GRAMD1B: variants seen among roughly 807,000 people sequenced by gnomAD.
GRAMD1B encodes protein Aster-B.
Under a neutral mutation model 99.7 loss-of-function variants are expected in GRAMD1B, and 37 were observed. The observed-to-expected ratio is 0.37, with a 90% CI of 0.29 to 0.49. The LOEUF is 0.49. Among genes scored for constraint, GRAMD1B ranks in the 20% least tolerant of loss-of-function variants. The pLI is 0.98. For missense variants in GRAMD1B, 888 were observed against 1,009.2 expected, an observed-to-expected ratio of 0.88 and a Z score of 1.63; for synonymous variants, 427 against 387.6, an observed-to-expected ratio of 1.10 and a Z score of -1.19.
chr11:123,601,420 T>C (rs1259234106), intron 8 of GRAMD1B, among the ~76,000 whole-genome samples: 1 of 150,520 alleles, frequency 6.6e-6, no homozygotes, highest in Admixed American at 6.6e-5. Context: ...TCAGATGCAG[T>C]TGGATGTTGA....
intron 1 of GRAMD1B, among the ~76,000 whole-genome samples, chr11:123,397,939 A>C (rs1947525112): frequency 6.6e-6 from 1 of 152,244 alleles, no homozygotes; most frequent in Non-Finnish European, 1.5e-5. Context: ...TTATTAATGA[A>C]GAGTATTCCA....
chr11:123,541,050 C>T (rs569828676), intron 2 of GRAMD1B, among the ~76,000 whole-genome samples: 7 of 152,100 alleles, frequency 4.6e-5, no homozygotes, highest in East Asian at 1.9e-4. Flanking sequence ...CTCGGCTCAT[C>T]GCAACCTCCG....
At chr11:123,481,649 T>G (rs1335880453) in intron 2 of GRAMD1B, among the ~76,000 whole-genome samples, 1 of 152,266 alleles carries the variant, frequency 6.6e-6, no homozygotes, top group African/African-American at 2.4e-5. Context: ...ATGTCTAGGA[T>G]GCAATGAAAA....
intron 2 of GRAMD1B, among the ~76,000 whole-genome samples, chr11:123,493,619 G>A (rs536431972): frequency 1.6e-4 from 24 of 152,290 alleles, no homozygotes; most frequent in South Asian, 4.2e-4. Context: ...CCCGCAGGCA[G>A]CCCACTCGAA....
At chr11:123,489,389 T>C (rs1175393053) in intron 2 of GRAMD1B, among the ~76,000 whole-genome samples, 1 of 152,142 alleles carries the variant, frequency 6.6e-6, no homozygotes, top group Non-Finnish European at 1.5e-5. Flanking sequence ...GTGACCACTA[T>C]GGAAGAGCAC....
intron 2 of GRAMD1B, among the ~76,000 whole-genome samples, chr11:123,568,492 A>G (rs1947658467): frequency 6.6e-6 from 1 of 152,228 alleles, no homozygotes; most frequent in South Asian, 2.1e-4. Context: ...AATCTCCACA[A>G]TTTTCCCAAA....
intron 2 of GRAMD1B, among the ~76,000 whole-genome samples, chr11:123,513,400 G>A (rs965447728): frequency 7.9e-5 from 12 of 151,530 alleles, no homozygotes; most frequent in African/African-American, 2.9e-4. Flanking sequence ...TTTTAAGGTT[G>A]CACCTCAGAC....
At chr11:123,360,167 T>C (rs1946090592) in intron 1 of GRAMD1B, among the ~76,000 whole-genome samples, 1 of 152,218 alleles carries the variant, frequency 6.6e-6, no homozygotes, top group Admixed American at 6.5e-5. Context: ...GATCTCTCTC[T>C]CTTCTCTCTT....
intron 1 of GRAMD1B, among the ~76,000 whole-genome samples, chr11:123,388,082 T>C (rs60911557): frequency 0.1 from 14,539 of 139,092 alleles, 2,008 homozygotes; most frequent in African/African-American, 0.33. Context: ...GCCGAGATTG[T>C]ACCATTGCAT....
chr11:123,553,453 T>G (rs1406548434), intron 2 of GRAMD1B, among the ~76,000 whole-genome samples: 1 of 152,240 alleles, frequency 6.6e-6, no homozygotes, highest in Admixed American at 6.5e-5. Flanking sequence ...TGATAAAATT[T>G]TACTTAAAGG....
chr11:123,411,731 T>C (rs1457077652), intron 1 of GRAMD1B, among the ~76,000 whole-genome samples: 1 of 152,174 alleles, frequency 6.6e-6, no homozygotes, highest in Non-Finnish European at 1.5e-5. Flanking sequence ...CACTGCAGCC[T>C]TGACTTCCAG....
chr11:123,524,711 T>C (rs1942527152), intron 2 of GRAMD1B, among the ~76,000 whole-genome samples: 1 of 152,198 alleles, frequency 6.6e-6, no homozygotes, highest in Non-Finnish European at 1.5e-5. Flanking sequence ...CACGAGGATG[T>C]CTGCAGATTG....
chr11:123,452,291 C>G (rs1047793304), intron 1 of GRAMD1B, among the ~76,000 whole-genome samples: 1 of 152,218 alleles, frequency 6.6e-6, no homozygotes, highest in Admixed American at 6.5e-5. Context: ...ACAGCAGTAA[C>G]TGTTACATTT....
intron 1 of GRAMD1B, among the ~76,000 whole-genome samples, chr11:123,422,702 A>T (rs1333370025): frequency 6.6e-6 from 1 of 152,150 alleles, no homozygotes; most frequent in East Asian, 1.9e-4. Flanking sequence ...CGATCAAACC[A>T]TGCTTTCTTT....
chr11:123,370,241 A>G (rs187068106), intron 1 of GRAMD1B, among the ~76,000 whole-genome samples: 690 of 148,888 alleles, frequency 4.6e-3, no homozygotes, highest in Admixed American at 7.2e-3. Flanking sequence ...GCTTGAACCC[A>G]GGAGGTGGAG....
chr11:123,610,059 T>A lies in GRAMD1B; in HGVS notation c.1777-137T>A. The A allele has an allele frequency of 1.2e-6, 1 of 864,590 alleles. No individual in the cohort carries two copies. The highest frequency in any genetic ancestry group is 1.8e-6 in the Non-Finnish European group (1 of 543,058). 53.6% of individuals were successfully genotyped at this position (864,590 alleles called of 1,614,324 possible). A position where few individuals can be genotyped will look rare whatever the true frequency, so the allele number is the denominator to read the frequency against. ...GGTGGTGGCGTCTTGCTTGTTTAGTTGCTGCTGATTCCAGTGATCCTGGTT... is the reference window on the plus strand; with the variant it reads ...GGTGGTGGCGTCTTGCTTGTTTAGTAGCTGCTGATTCCAGTGATCCTGGTT... On this transcript the variant is annotated intron_variant, in intron 13 of 19. Coordinates refer to ENST00000635736, the MANE Select transcript of GRAMD1B (RefSeq NM_001387025.1). This position sits in a 1 kb window ranked among gnomAD's most constrained non-coding sequence, Gnocchi z 4.1.
chr11:123,552,879 G>A (rs967748877), intron 2 of GRAMD1B, among the ~76,000 whole-genome samples: 2 of 151,918 alleles, frequency 1.3e-5, no homozygotes, highest in Non-Finnish European at 2.9e-5. Context: ...CTTTTTATGT[G>A]GGAAATTATT....
At chr11:123,390,971 GCTGC>G (rs1055347128) in intron 1 of GRAMD1B, among the ~76,000 whole-genome samples, 14 of 152,182 alleles carry the variant, frequency 9.2e-5, no homozygotes, top group African/African-American at 3.4e-4. Flanking sequence ...GATCCACTCA[GCTGC>G]CCGCCTTTCC....
In GRAMD1B at chr11:123,618,665, TG is replaced by T. The variant is rs1253951575; in HGVS notation, c.2319-27del. The stretch of plus-strand genomic sequence containing the variant: ...GGCTCAGGTGACATCTCACTGCTGA[TG>T]TTTTTTTCCCCACGTCTCCTTCCTA... On this transcript the variant is annotated intron_variant, in intron 17 of 19. Coordinates refer to ENST00000635736, the MANE Select transcript of GRAMD1B (RefSeq NM_001387025.1). The T allele has an allele frequency of 1.6e-5, 20 of 1,242,650 alleles. No individual in the cohort carries two copies. In the Middle Eastern group the frequency reaches 7.5e-4, roughly 46 times the overall value. 77.0% of individuals were successfully genotyped at this position (1,242,650 alleles called of 1,614,324 possible).
Sources: allele counts gnomAD v4.1 joint callset (sites outside exome capture counted in the v4.1 genomes callset), GRCh38; gene constraint gnomAD v4.1.1; non-coding constraint Gnocchi (gnomAD v3.1); transcripts MANE v1.5; gene names NCBI Gene and HGNC (gene_info 2026-07-23, HGNC 2026-07-21).